The following SCLY variants were observed in gnomAD, a reference collection of about 807,000 sequenced individuals.
The protein encoded by SCLY is selenocysteine lyase.
Under a neutral mutation model 50.1 loss-of-function variants are expected in SCLY, and 38 were observed. That is an observed-to-expected ratio of 0.76 (90% CI 0.59 to 0.99). The LOEUF is 0.99. SCLY is among the 50% of genes least tolerant of loss of function. The pLI is 0.00. For synonymous variants in SCLY, 243 were observed against 249.4 expected (o/e 0.97, Z 0.24); for missense variants, 600 against 620.0 (o/e 0.97, Z 0.34).
intron 1 of SCLY, among the ~76,000 whole-genome samples, chr2:238,062,038 G>T (rs1048869601): frequency 3.9e-5 from 6 of 152,158 alleles, no homozygotes; most frequent in Non-Finnish European, 8.8e-5. Context: ...ATCCCCTAGG[G>T]AATCAGTGGA....
chr2:238,091,560 G>GCACT, intron 8 of SCLY: 1 of 313,492 alleles, frequency 3.2e-6, no homozygotes, highest in South Asian at 4.0e-5. Flanking sequence ...CATTCCCAAA[G>GCACT]GCGTCGGCAG....
chr2:238,086,944 G>A (rs1206934317), intron 7 of SCLY, among the ~76,000 whole-genome samples: 1 of 150,792 alleles, frequency 6.6e-6, no homozygotes, highest in Non-Finnish European at 1.5e-5. Context: ...GCTTGAACCC[G>A]GGAGGCAGAG....
intron 4 of SCLY, among the ~76,000 whole-genome samples, chr2:238,074,245 G>A (rs1052152130): frequency 3.3e-5 from 5 of 151,796 alleles, no homozygotes; most frequent in African/African-American, 7.2e-5. Context: ...GGCGGAGGCT[G>A]TAGTGAACTG....
chr2:238,093,991 G>A, intron 9 of SCLY, 47 bp downstream of exon 9: 2 of 1,543,806 alleles, frequency 1.3e-6, no homozygotes, highest in Non-Finnish European at 8.9e-7. Flanking sequence ...GGTGCGTGGG[G>A]CAGGTGCCCA....
chr2:238,094,654 C>T, intron 10 of SCLY, 132 bp downstream of exon 10: 1 of 762,924 alleles, frequency 1.3e-6, no homozygotes, highest in South Asian at 1.7e-5. Flanking sequence ...GAGGGCCTTG[C>T]TGGGGTTGCC....
Position 238,081,796 on chromosome 2 carries a change from T to C in SCLY, c.572T>C (p.Val191Ala). The part of the protein sequence containing the change: ...LAAVRPTTRL[V>A]TIMLANNETG... The stretch of plus-strand genomic sequence containing the variant: ...GCAGTCCGCCCGACCACACGCCTCG[T>C]GACCATCATGCTGGCCAACAATGAG... The change falls in exon 5 of 12, where the codon GTG becomes GCG. Residue 191 changes from valine (V) to alanine (A), a missense_variant. Val to Ala is a moderately conservative substitution (Grantham distance 64). Coordinates refer to ENST00000254663, the MANE Select transcript of SCLY (RefSeq NM_016510.7). 1 of 1,614,186 alleles carries C rather than the reference T, an allele frequency of 6.2e-7. No homozygotes were observed. The highest frequency in any genetic ancestry group is 8.5e-7 in the Non-Finnish European group (1 of 1,180,040).
rs1257893899 is a variant in SCLY at position 238,098,930 on chromosome 2, A to C, written c.*575A>C. On this transcript the variant is annotated 3_prime_UTR_variant, in exon 12 of 12. Coordinates refer to ENST00000254663, the MANE Select transcript of SCLY (RefSeq NM_016510.7). ...GTCCCTTTCCAAAGCTGCCCCCACC[A>C]CCCTGCTCCTCTGGCCTCAGTGCAC... The C allele has an allele frequency of 9.1e-6, 2 of 220,244 alleles. No individual in the cohort carries two copies. The highest frequency in any genetic ancestry group is 7.1e-5 in the South Asian group (1 of 14,018). 13.6% of individuals were successfully genotyped at this position (220,244 alleles called of 1,614,324 possible). A position where few individuals can be genotyped will look rare whatever the true frequency, so the allele number is the denominator to read the frequency against.
intron 1 of SCLY, 76 bp from the exon 2 acceptor site, chr2:238,064,281 A>C: frequency 1.1e-6 from 1 of 896,910 alleles, no homozygotes; most frequent in Non-Finnish European, 1.7e-6. Flanking sequence ...TGCCGATGGG[A>C]TAGACACAGA....
chr2:238,073,364 T>G (rs546734642), intron 4 of SCLY, among the ~76,000 whole-genome samples: 44 of 152,350 alleles, frequency 2.9e-4, no homozygotes, highest in South Asian at 1.2e-3. Context: ...AAAAGAATTT[T>G]AGGATCAGCT....
intron 8 of SCLY, 104 bp downstream of exon 8, chr2:238,091,358 C>G: frequency 1.1e-6 from 1 of 932,810 alleles, no homozygotes; most frequent in Non-Finnish European, 1.8e-6. Context: ...TATTCGTGAT[C>G]TCATAAGCGG....
rs1379185142 is a variant in SCLY, at chr2:238,075,130, G to A, written c.484+5653G>A. On this transcript the variant is annotated intron_variant, in intron 4 of 11. Coordinates refer to ENST00000254663, the MANE Select transcript of SCLY (RefSeq NM_016510.7). ...GTGTTTTTATCATGAAAGGGGTGTTGGATTTTGTTAAATCCATTTATTGAG... is the reference window on the plus strand; with the variant it reads ...GTGTTTTTATCATGAAAGGGGTGTTAGATTTTGTTAAATCCATTTATTGAG... 2.0e-5 allele frequency among the ~76,000 whole-genome samples: 3 copies of A among 151,998 alleles called. No homozygotes were observed. In the East Asian group the frequency reaches 5.8e-4, roughly 29 times the overall value.
chr2:238,072,760 T>C (rs2065139505), intron 4 of SCLY, among the ~76,000 whole-genome samples: 1 of 152,264 alleles, frequency 6.6e-6, no homozygotes, highest in Non-Finnish European at 1.5e-5. Context: ...GTAAGAGTTC[T>C]TTATATATGC....
chr2:238,084,590 CAAAAAAAAAA>C (rs539648649), intron 7 of SCLY, among the ~76,000 whole-genome samples: 10 of 44,692 alleles, frequency 2.2e-4, no homozygotes, highest in African/African-American at 9.9e-4. Flanking sequence ...GACTCTGTCT[CAAAAAAAAAA>C]AAAAAAAAAA....
intron 7 of SCLY, among the ~76,000 whole-genome samples, chr2:238,089,048 C>T (rs2065332763): frequency 6.6e-6 from 1 of 152,174 alleles, no homozygotes; most frequent in African/African-American, 2.4e-5. Flanking sequence ...ACTCCTAGAA[C>T]TAATAAGTGA....
chr2:238,074,015 A>G (rs999760034), intron 4 of SCLY, among the ~76,000 whole-genome samples: 1 of 152,176 alleles, frequency 6.6e-6, no homozygotes, highest in Admixed American at 6.6e-5. Flanking sequence ...TTAAGTTTGC[A>G]GGGAGCTGGC....
At chr2:238,077,970 T>A (rs868868403) in intron 4 of SCLY, among the ~76,000 whole-genome samples, 19 of 151,042 alleles carry the variant, frequency 1.3e-4, no homozygotes, top group African/African-American at 2.7e-4. Context: ...TTTTTTTTTT[T>A]AGACGGAATC....
At chr2:238,096,768 C>T (rs376593088) in intron 10 of SCLY, 33 bp from the exon 11 acceptor site, 1 of 1,589,472 alleles carries the variant, frequency 6.3e-7, no homozygotes, top group East Asian at 2.3e-5. Flanking sequence ...TGGCTGGAGC[C>T]CCATCTCAGG....
chr2:238,087,910 C>T (rs2065315185), intron 7 of SCLY, among the ~76,000 whole-genome samples: 1 of 151,902 alleles, frequency 6.6e-6, no homozygotes, highest in Non-Finnish European at 1.5e-5. Context: ...GGCTGGGCAC[C>T]ATAGTGAGAC....
chr2:238,094,576 G>A (rs765517705), intron 10 of SCLY, 54 bp downstream of exon 10: 82 of 1,432,586 alleles, frequency 5.7e-5, no homozygotes, highest in Non-Finnish European at 7.2e-5. Context: ...CCCTCGGTGC[G>A]TGGATTCTGG....
Sources: gnomAD v4.1 joint callset for allele counts (sites outside exome capture counted in the v4.1 genomes callset) on GRCh38, gnomAD v4.1.1 for gene constraint, MANE v1.5 for transcripts, NCBI Gene and HGNC (gene_info 2026-07-23, HGNC 2026-07-21) for gene names.